Variants in FAM184B observed in about 807,000 individuals in gnomAD.
The protein encoded by FAM184B is family with sequence similarity 184 member B, also known as protein FAM184B.
A neutral mutation model predicts 135.9 loss-of-function variants in FAM184B; 111 were observed. That is an observed-to-expected ratio of 0.82 (90% confidence interval 0.70 to 0.96). The LOEUF (loss-of-function observed/expected upper bound fraction) is 0.96, where lower values mean the gene tolerates loss of function less well. Among genes scored for constraint, FAM184B ranks in the 40% least tolerant of loss-of-function variants. The pLI, the probability that FAM184B is intolerant of heterozygous loss-of-function variation, is 0.00. For missense variants in FAM184B, 1,375 were observed against 1,323.9 expected, an observed-to-expected ratio of 1.04 and a Z score of -0.60; for synonymous variants, 552 against 524.8, an observed-to-expected ratio of 1.05 and a Z score of -0.71.
In FAM184B at chr4:17,781,488, A is replaced by G; in HGVS notation, c.-189T>C. The G allele has an allele frequency of 1.5e-6, 1 of 651,812 alleles. No homozygotes were observed. Among genetic ancestry groups the G allele is most frequent in the South Asian group, 2.8e-5 (1 of 35,906 alleles). 40.4% of individuals were successfully genotyped at this position (651,812 alleles called of 1,614,324 possible). On this transcript the variant is annotated 5_prime_UTR_variant, in exon 1 of 18. Coordinates refer to ENST00000265018, the MANE Select transcript of FAM184B (RefSeq NM_015688.2). The surrounding 1 kb of genome is among the most constrained non-coding windows in gnomAD (Gnocchi z 6.5). ...GCCTCCCGGGCCCACCCGCGCGCCCACCCTTTTTCCTCTCCTGCTGGTTCT... is the reference window on the plus strand; with the variant it reads ...GCCTCCCGGGCCCACCCGCGCGCCCGCCCTTTTTCCTCTCCTGCTGGTTCT...
intron 1 of FAM184B, among the ~76,000 whole-genome samples, chr4:17,736,750 T>C (rs553274117): frequency 2.0e-4 from 30 of 152,274 alleles, no homozygotes; most frequent in Admixed American, 5.2e-4. Flanking sequence ...TGCCTGCACT[T>C]ACTCCCATAG....
intron 16 of FAM184B, 53 bp downstream of exon 16, chr4:17,634,956 A>G (rs1172098814): frequency 7.4e-7 from 1 of 1,352,988 alleles, no homozygotes; most frequent in Non-Finnish European, 1.0e-6. Context: ...CCTTTAAGAA[A>G]AACGAAACCA....
intron 7 of FAM184B, among the ~76,000 whole-genome samples, chr4:17,682,305 AAGGAG>A (rs1716460810): frequency 5.9e-5 from 9 of 152,148 alleles, no homozygotes; most frequent in Non-Finnish European, 1.3e-4. Flanking sequence ...TACGAGAATC[AAGGAG>A]ACTGGCAGGG....
intron 16 of FAM184B, 70 bp downstream of exon 16, chr4:17,634,939 G>C: frequency 9.2e-7 from 1 of 1,086,906 alleles, no homozygotes; most frequent in Non-Finnish European, 1.3e-6. Context: ...TAAATAACCT[G>C]TGGTTACCTT....
At chr4:17,703,272 G>A (rs955872274) in intron 5 of FAM184B, among the ~76,000 whole-genome samples, 1 of 152,110 alleles carries the variant, frequency 6.6e-6, no homozygotes, top group Non-Finnish European at 1.5e-5. Flanking sequence ...TAAGGTGGGA[G>A]GATCCCTTGA....
chr4:17,746,549 G>A (rs1033207535), intron 1 of FAM184B, among the ~76,000 whole-genome samples: 3 of 151,358 alleles, frequency 2.0e-5, no homozygotes, highest in Non-Finnish European at 2.9e-5. Flanking sequence ...TGGCTAACAC[G>A]GTGAAACTCC....
intron 1 of FAM184B, among the ~76,000 whole-genome samples, chr4:17,751,306 CAAAA>C (rs71167334): frequency 0.3 from 27,456 of 91,752 alleles, 2,526 homozygotes; most frequent in Middle Eastern, 0.38. Context: ...GACTCTGTCT[CAAAA>C]AAAAAAAAAA....
At chr4:17,753,972 G>A (rs553964449) in intron 1 of FAM184B, among the ~76,000 whole-genome samples, 4 of 152,262 alleles carry the variant, frequency 2.6e-5, no homozygotes, top group Admixed American at 2.6e-4. Context: ...TAACATCAAG[G>A]TTGTCTTGGC....
chr4:17,634,981 T>C (rs1715077864), intron 16 of FAM184B, 28 bp downstream of exon 16: 2 of 1,466,998 alleles, frequency 1.4e-6, no homozygotes, highest in African/African-American at 1.4e-5. Context: ...AATTGTATAA[T>C]GCATTAAAAC....
intron 3 of FAM184B, among the ~76,000 whole-genome samples, chr4:17,706,827 C>T (rs561456647): frequency 6.6e-6 from 1 of 152,012 alleles, no homozygotes; most frequent in Admixed American, 6.6e-5. Flanking sequence ...TTGCTATTGC[C>T]CAGGCTGGAG....
At chr4:17,770,265 C>G (rs1382771671) in intron 1 of FAM184B, among the ~76,000 whole-genome samples, 3 of 152,184 alleles carry the variant, frequency 2.0e-5, no homozygotes, top group Non-Finnish European at 4.4e-5. Flanking sequence ...TAATTCTTGC[C>G]TTTGTGTGAG....
intron 6 of FAM184B, among the ~76,000 whole-genome samples, chr4:17,691,711 A>G (rs1354833451): frequency 6.6e-6 from 1 of 151,404 alleles, no homozygotes; most frequent in Admixed American, 6.6e-5. Context: ...AAGAAAGGAA[A>G]AAAAAGAGCT....
intron 1 of FAM184B, among the ~76,000 whole-genome samples, chr4:17,754,106 A>T (rs1161311829): frequency 1.3e-5 from 2 of 152,216 alleles, no homozygotes; most frequent in African/African-American, 4.8e-5. Flanking sequence ...TTATCGTCTA[A>T]AATGGTTACT....
chr4:17,745,911 T>G (rs558350096), intron 1 of FAM184B, among the ~76,000 whole-genome samples: 39 of 152,286 alleles, frequency 2.6e-4, no homozygotes, highest in Admixed American at 1.2e-3. Flanking sequence ...GATCCACAAC[T>G]ATTTGGGCCT....
At chr4:17,771,034 G>A (rs1039092915) in intron 1 of FAM184B, among the ~76,000 whole-genome samples, 11 of 152,132 alleles carry the variant, frequency 7.2e-5, no homozygotes, top group Admixed American at 6.5e-5. Flanking sequence ...CTGTTCCTCC[G>A]TTGATGGACA....
intron 7 of FAM184B, among the ~76,000 whole-genome samples, chr4:17,685,091 T>G (rs1328302243): frequency 6.6e-6 from 1 of 150,626 alleles, no homozygotes; most frequent in African/African-American, 2.4e-5. Flanking sequence ...ATCTAATACA[T>G]GCTGGGCTTA....
At position 17,658,574 on chromosome 4, in the gene FAM184B, G is replaced by C. The variant is rs748800714; in HGVS notation, c.1825-12C>G. 1.3e-5 allele frequency: 20 copies of C among 1,548,948 alleles called. No homozygotes were observed. In the South Asian group the frequency reaches 2.4e-4, roughly 18 times the overall value. ...TGCATCTGTGAGACCTGCGCACAAG[G>C]CATCCTGCCCTCAGTCTAAGCCCCT... On this transcript the variant is annotated splice_polypyrimidine_tract_variant and intron_variant, in intron 9 of 17. Coordinates refer to ENST00000265018, the MANE Select transcript of FAM184B (RefSeq NM_015688.2).
At chr4:17,708,663 C>CTAATA (rs1717169266) in intron 2 of FAM184B, among the ~76,000 whole-genome samples, 1 of 16,978 alleles carries the variant, frequency 5.9e-5, no homozygotes, top group Non-Finnish European at 1.0e-4. Flanking sequence ...GGAAACAAAA[C>CTAATA]TATATATATA....
intron 4 of FAM184B, 67 bp from the exon 5 acceptor site, chr4:17,705,273 C>G (rs1283465881): frequency 2.5e-6 from 3 of 1,220,808 alleles, no homozygotes; most frequent in Non-Finnish European, 3.5e-6. Context: ...TCACCATTTC[C>G]CTTTCATACA....
Sources: gnomAD v4.1 joint callset for allele counts (sites outside exome capture counted in the v4.1 genomes callset) on GRCh38, gnomAD v4.1.1 for gene constraint, Gnocchi (gnomAD v3.1) non-coding constraint, MANE v1.5 for transcripts, NCBI Gene and HGNC (gene_info 2026-07-23, HGNC 2026-07-21) for gene names.